RPS6KA2: variants seen among roughly 807,000 people sequenced by gnomAD.
RPS6KA2 encodes ribosomal protein S6 kinase A2, also known as ribosomal protein S6 kinase alpha-2.
A neutral mutation model predicts 91.8 loss-of-function variants in RPS6KA2; 42 were observed. That is an observed-to-expected ratio of 0.46 (90% confidence interval 0.36 to 0.59). The LOEUF (loss-of-function observed/expected upper bound fraction) is 0.59, where lower values mean the gene tolerates loss of function less well. Ranked by LOEUF, RPS6KA2 falls within the 20% of genes least tolerant of loss-of-function variation. The pLI is 0.00. For synonymous variants in RPS6KA2, 414 were observed against 393.6 expected, an observed-to-expected ratio of 1.05 and a Z score of -0.61; for missense variants, 798 against 978.5, an observed-to-expected ratio of 0.82 and a Z score of 2.46.
intron 2 of RPS6KA2, among the ~76,000 whole-genome samples, chr6:166,681,957 T>C (rs965933381): frequency 6.6e-6 from 1 of 152,104 alleles, no homozygotes; most frequent in Non-Finnish European, 1.5e-5. Context: ...CCCGCAGAGA[T>C]GACAGACAGC....
chr6:166,727,661 C>T (rs1029677503), intron 2 of RPS6KA2, among the ~76,000 whole-genome samples: 7 of 151,988 alleles, frequency 4.6e-5, no homozygotes, highest in Non-Finnish European at 1.0e-4. Flanking sequence ...CAGGTATCAG[C>T]GCCCTAAAGC....
At position 166,539,198 on chromosome 6, in the gene RPS6KA2, G is replaced by T. The variant is rs1383853116; in HGVS notation, c.100-414C>A. The stretch of plus-strand genomic sequence containing the variant: ...CTCCCAAAGTGCTGGGGTTACAGGC[G>T]TGAGCCACCCCGCCCGGCCCATTTA... On this transcript the variant is annotated intron_variant, in intron 1 of 20. Transcript: ENST00000265678. Among the ~76,000 whole-genome samples the T allele has an allele frequency of 2.0e-5, 3 of 152,192 alleles. No homozygotes were observed. In the South Asian group the frequency reaches 6.2e-4, roughly 31 times the overall value.
chr6:166,805,532 G>C (rs962111903), intron 2 of RPS6KA2, among the ~76,000 whole-genome samples: 3 of 152,164 alleles, frequency 2.0e-5, no homozygotes, highest in Admixed American at 2.0e-4. Flanking sequence ...CAGCAACCAT[G>C]CATGCCCAGG....
intron 2 of RPS6KA2, among the ~76,000 whole-genome samples, chr6:166,715,511 G>A (rs1789983227): frequency 6.6e-6 from 1 of 152,230 alleles, no homozygotes; most frequent in African/African-American, 2.4e-5. Context: ...CAAATTAATG[G>A]AACAGAAAAA....
chr6:166,680,469 T>C (rs1375600057), intron 2 of RPS6KA2, among the ~76,000 whole-genome samples: 1 of 152,114 alleles, frequency 6.6e-6, no homozygotes. Flanking sequence ...GTGGAAGGTT[T>C]GTTTTTTTGC....
chr6:166,482,295 C>T (rs773170540), intron 10 of RPS6KA2, among the ~76,000 whole-genome samples: 9 of 152,222 alleles, frequency 5.9e-5, no homozygotes, highest in Non-Finnish European at 1.2e-4. Flanking sequence ...GGTTCTTTCT[C>T]ATTTTACTTG....
Position 166,563,984 on chromosome 6 carries a change from G to A in RPS6KA2, c.100-25200C>T, listed in dbSNP as rs544737540. Among the ~76,000 whole-genome samples, 5 of 152,268 alleles carry A rather than the reference G, an allele frequency of 3.3e-5. No individual in the cohort carries two copies. In the South Asian group the frequency reaches 8.3e-4, roughly 25 times the overall value. On this transcript the variant is annotated intron_variant, in intron 1 of 20. Coordinates refer to ENST00000265678, the MANE Select transcript of RPS6KA2 (RefSeq NM_021135.6). This position sits in a 1 kb window ranked among gnomAD's most constrained non-coding sequence, Gnocchi z 4.1. The stretch of plus-strand genomic sequence containing the variant: ...GAAATGGCAGATGTCAGATGTCAGC[G>A]CTGCCAATGTTTCAGCACTGCGGTT...
rs1787224474 is a variant in RPS6KA2 at position 166,635,917 on chromosome 6, T to A, written c.124-97133A>T. ...CTCCAGGACAAGCCACCAACCCTACTCTAGACCAGGGTGGTCACCTGCTAG... is the reference window on the plus strand; with the variant it reads ...CTCCAGGACAAGCCACCAACCCTACACTAGACCAGGGTGGTCACCTGCTAG... On this transcript the variant is annotated intron_variant, in intron 2 of 21. Coordinates refer to the RPS6KA2 transcript ENST00000503859. The surrounding 1 kb of genome is among the most constrained non-coding windows in gnomAD (Gnocchi z 4.8). 6.6e-6 allele frequency among the ~76,000 whole-genome samples: 1 copy of A among 152,150 alleles called. No individual in the cohort carries two copies. Among genetic ancestry groups the A allele is most frequent in the Non-Finnish European group, 1.5e-5 (1 of 68,006 alleles).
rs368156696 is a variant in RPS6KA2, at chr6:166,435,778, A to G, written c.1333-3288T>C. Among the ~76,000 whole-genome samples, 85 of 152,352 alleles carry G rather than the reference A, an allele frequency of 5.6e-4. No individual in the cohort carries two copies. Among genetic ancestry groups the G allele is most frequent in the African/African-American group, 2.0e-3 (83 of 41,594 alleles). ...GGTGTGGGTGGCTTGGCCTGTGGCCATGTCACTTGCTGGTACTTGAATGTG... is the reference window on the plus strand; with the variant it reads ...GGTGTGGGTGGCTTGGCCTGTGGCCGTGTCACTTGCTGGTACTTGAATGTG... On this transcript the variant is annotated intron_variant, in intron 14 of 20. Coordinates refer to ENST00000265678, the MANE Select transcript of RPS6KA2 (RefSeq NM_021135.6). This position sits in a 1 kb window ranked among gnomAD's most constrained non-coding sequence, Gnocchi z 4.3.
chr6:166,737,290 C>T lies in RPS6KA2; in HGVS notation c.123+120910G>A, dbSNP rs1390711341. Among the ~76,000 whole-genome samples the T allele has an allele frequency of 6.6e-6, 1 of 152,168 alleles. No homozygotes were observed. The highest frequency in any genetic ancestry group is 2.4e-5 in the African/African-American group (1 of 41,452). On this transcript the variant is annotated intron_variant, in intron 2 of 21. Transcript: ENST00000503859. This position sits in a 1 kb window ranked among gnomAD's most constrained non-coding sequence, Gnocchi z 4.3. ...TCTGCAAGGCTATTGGCGTCTCTCC[C>T]TAATAAATCGTGTGGCTGCCATGAC...
At chr6:166,797,038 C>T (rs942818894) in intron 2 of RPS6KA2, among the ~76,000 whole-genome samples, 4 of 152,268 alleles carry the variant, frequency 2.6e-5, no homozygotes, top group African/African-American at 9.6e-5. Flanking sequence ...GAGTGGCTCT[C>T]ACGCCCGAGC....
intron 2 of RPS6KA2, among the ~76,000 whole-genome samples, chr6:166,773,738 G>C (rs1013874576): frequency 1.1e-4 from 16 of 152,202 alleles, no homozygotes; most frequent in Admixed American, 1.0e-3. Context: ...TGTCCATCCT[G>C]TTACATACCT....
intron 2 of RPS6KA2, among the ~76,000 whole-genome samples, chr6:166,649,805 C>CT (rs2128553884): frequency 6.6e-6 from 1 of 152,248 alleles, no homozygotes; most frequent in East Asian, 1.9e-4. Flanking sequence ...GGCTGTCTTC[C>CT]TTGGAAAGCA....
At chr6:166,835,063 A>T (rs1214942341) in intron 2 of RPS6KA2, among the ~76,000 whole-genome samples, 3 of 152,188 alleles carry the variant, frequency 2.0e-5, no homozygotes, top group Non-Finnish European at 4.4e-5. Context: ...TGTTAAAAAG[A>T]TAATCTTTCC....
At chr6:166,474,127 TC>T (rs1466926493) in intron 10 of RPS6KA2, among the ~76,000 whole-genome samples, 1 of 151,964 alleles carries the variant, frequency 6.6e-6, no homozygotes, top group Non-Finnish European at 1.5e-5. Flanking sequence ...CTCTAGCGGC[TC>T]CCTAGGGCTG....
chr6:166,727,104 G>A (rs1484247913), intron 2 of RPS6KA2, among the ~76,000 whole-genome samples: 1 of 152,054 alleles, frequency 6.6e-6, no homozygotes, highest in African/African-American at 2.4e-5. Context: ...ATAACCTGGG[G>A]GTGGTTTCTC....
intron 2 of RPS6KA2, chr6:166,701,699 G>T: frequency 1.5e-6 from 2 of 1,320,442 alleles, no homozygotes; most frequent in Non-Finnish European, 2.2e-6. Context: ...CCTGAAGTGG[G>T]TGGGAACAGA....
At position 166,434,886 on chromosome 6, in the gene RPS6KA2, A is replaced by G. The variant is rs1294215281; in HGVS notation, c.1333-2396T>C. 6.6e-6 allele frequency among the ~76,000 whole-genome samples: 1 copy of G among 152,130 alleles called. No individual in the cohort carries two copies. Among genetic ancestry groups the G allele is most frequent in the Non-Finnish European group, 1.5e-5 (1 of 68,012 alleles). Reference sequence around the variant, plus strand: ...GAGAAGAATGCAGATAGACGCATCCATTTCCTTGTGGGTGCATAAAATAAC... The same window carrying G: ...GAGAAGAATGCAGATAGACGCATCCGTTTCCTTGTGGGTGCATAAAATAAC... On this transcript the variant is annotated intron_variant, in intron 14 of 20. Transcript: ENST00000265678. This position sits in a 1 kb window ranked among gnomAD's most constrained non-coding sequence, Gnocchi z 4.4.
rs769412912 is a variant in RPS6KA2, at chr6:166,858,222, G to GCGGGCCCCAC, written c.100_101insGTGGGGCCCG (p.Thr34SerfsTer30). On this transcript the variant is annotated frameshift_variant, in exon 2 of 22. Coordinates refer to the RPS6KA2 transcript ENST00000503859. LOFTEE classifies it high-confidence loss of function. ...TACTTCTTCTGCAGTGTCTTCTGTG[G>GCGGGCCCCAC]TGGGCTCCACATCCAGGTTGAGATC... 6.5e-7 allele frequency: 1 copy of GCGGGCCCCAC among 1,546,994 alleles called. No individual in the cohort carries two copies. The highest frequency in any genetic ancestry group is 2.3e-5 in the East Asian group (1 of 44,392).
Sources: allele counts gnomAD v4.1 joint callset (sites outside exome capture counted in the v4.1 genomes callset), GRCh38; gene constraint gnomAD v4.1.1; non-coding constraint Gnocchi (gnomAD v3.1); transcripts MANE v1.5; gene names NCBI Gene and HGNC (gene_info 2026-07-23, HGNC 2026-07-21).